Variants in MYH14 observed in about 807,000 individuals in gnomAD.
The protein encoded by MYH14 is myosin heavy chain 14.
Under a neutral mutation model 255.5 loss-of-function variants are expected in MYH14, and 123 were observed. That is an observed-to-expected ratio of 0.48 (90% CI 0.42 to 0.56). The LOEUF (loss-of-function observed/expected upper bound fraction) is 0.56. Among genes scored for constraint, MYH14 ranks in the 20% least tolerant of loss-of-function variants. The probability of loss-of-function intolerance (pLI) is 0.00; values close to 1 mark genes in which losing one functional copy is unlikely to be tolerated. For missense variants in MYH14, 2,423 were observed against 2,802.3 expected, an observed-to-expected ratio of 0.86 and a Z score of 3.06; for synonymous variants, 1,095 against 1,161.2, an observed-to-expected ratio of 0.94 and a Z score of 1.16.
Position 50,268,173 on chromosome 19 carries a change from C to G in MYH14, c.2839C>G (p.Arg947Gly). 1 of 1,546,294 alleles carries G rather than the reference C, an allele frequency of 6.5e-7. No individual in the cohort carries two copies. Among genetic ancestry groups the G allele is most frequent in the South Asian group, 1.2e-5 (1 of 84,014 alleles). Residue 947 changes from arginine (R) to glycine (G), a missense_variant, in exon 24 of 43, where the codon CGC (arginine) becomes GGC (glycine). By Grantham distance (125) the Arg-to-Gly change is moderately radical. Around this residue, in one of 3 missense-constraint regions of MYH14, gnomAD observed 1,513 missense variants for 1,674.8 expected, o/e 0.90. Transcript: ENST00000642316. ...QGRVAQLEEE[R>G]ARLAEQLRAE... Reference sequence around the variant, plus strand: ...ACACACTCCCCAGCTGGAAGAGGAGCGCGCCCGCCTGGCAGAGCAATTGCG... The same window carrying G: ...ACACACTCCCCAGCTGGAAGAGGAGGGCGCCCGCCTGGCAGAGCAATTGCG...
intron 10 of MYH14, 29 bp downstream of exon 10, chr19:50,232,099 A>T: frequency 6.2e-7 from 1 of 1,606,816 alleles, no homozygotes; most frequent in Non-Finnish European, 8.5e-7. Context: ...GGCCAGGGGT[A>T]GGGGGGAACC....
chr19:50,281,764 G>A lies in MYH14; in HGVS notation c.4461G>A (p.Leu1487=), dbSNP rs749718837. ...ERGRRRLQQE[L]DDATMDLEQQ... ...GCCGCCGCCGGCTGCAGCAGGAGCT[G>A]GACGACGCCACCATGGACCTGGAGC... is the stretch of plus-strand genomic sequence containing the variant. The change falls in exon 33 of 43, where the codon CTG becomes CTA. Residue 1487 remains leucine (L), a synonymous_variant. Transcript: ENST00000642316. 2.5e-5 allele frequency: 41 copies of A among 1,612,546 alleles called. No homozygotes were observed. Among genetic ancestry groups the A allele is most frequent in the Middle Eastern group, 1.7e-4 (1 of 6,060 alleles).
At chr19:50,267,114 GC>G (rs143130699) in intron 23 of MYH14, 106 bp downstream of exon 23, 49,131 of 1,139,860 alleles carry the variant, frequency 0.043, 1,279 homozygotes, top group Non-Finnish European at 0.049. Flanking sequence ...GCCAGCCTGT[GC>G]CCAGGCAGGG....
Position 50,263,394 on chromosome 19 carries a change from T to G in MYH14, c.2668T>G (p.Trp890Gly). ...NCAAYLKLRHWQWWRLFTKVK... is the reference protein window; with the variant it reads ...NCAAYLKLRHGQWWRLFTKVK... ...CGCGGCCTACCTCAAGCTGAGACACTGGCAGTGGTGGCGGCTGTTTACCAA... is the reference window on the plus strand; with the variant it reads ...CGCGGCCTACCTCAAGCTGAGACACGGGCAGTGGTGGCGGCTGTTTACCAA... The change falls in exon 22 of 43, where the codon TGG becomes GGG. Residue 890 changes from tryptophan to glycine, a missense_variant. Transcript: ENST00000642316. The G allele has an allele frequency of 6.2e-7, 1 of 1,603,380 alleles. No individual in the cohort carries two copies. Among genetic ancestry groups the G allele is most frequent in the Non-Finnish European group, 8.5e-7 (1 of 1,175,270 alleles).
At chr19:50,219,364 G>A (rs2032687021) in intron 3 of MYH14, among the ~76,000 whole-genome samples, 1 of 151,748 alleles carries the variant, frequency 6.6e-6, no homozygotes, top group Non-Finnish European at 1.5e-5. Flanking sequence ...TCTCCATACT[G>A]TTTTCCATAA....
At chr19:50,215,440 G>T (rs537081895) in intron 2 of MYH14, among the ~76,000 whole-genome samples, 1 of 152,284 alleles carries the variant, frequency 6.6e-6, no homozygotes, top group South Asian at 2.1e-4. Flanking sequence ...CCCTCCCACC[G>T]TTAGAAGGTT....
At chr19:50,234,930 G>C (rs563089348) in intron 10 of MYH14, among the ~76,000 whole-genome samples, 4 of 152,142 alleles carry the variant, frequency 2.6e-5, no homozygotes, top group African/African-American at 9.7e-5. Flanking sequence ...TGAGCTTCTT[G>C]TATCTCCTTC....
intron 5 of MYH14, 40 bp from the exon 6 acceptor site, chr19:50,224,114 T>C: frequency 6.6e-7 from 1 of 1,524,968 alleles, no homozygotes; most frequent in Non-Finnish European, 8.9e-7. Context: ...TTCCATGTGC[T>C]GTGTCCTGGT....
chr19:50,217,568 G>T, intron 2 of MYH14, 47 bp from the exon 3 acceptor site: 1 of 1,613,678 alleles, frequency 6.2e-7, no homozygotes, highest in Non-Finnish European at 8.5e-7. Flanking sequence ...ACGCCTTTCA[G>T]GCCGTGGGCA....
rs2034261392 is a variant in MYH14, at chr19:50,249,290, T to G, written c.1482+151T>G. 9 of 900,902 alleles carry G rather than the reference T, an allele frequency of 1.0e-5. No individual in the cohort carries two copies. The South Asian group carries it at 1.5e-4, about 15-fold the overall frequency. The allele number at this position is 900,902 out of a possible 1,614,324, so 55.8% of individuals were successfully genotyped here. ...CCCCTCTCTCTGGTCTCTGTCCCCC[T>G]CTCTCTGGGTCTCTGTCCCCTGTCT... On this transcript the variant is annotated intron_variant, in intron 13 of 42. Coordinates refer to ENST00000642316, the MANE Select transcript of MYH14 (RefSeq NM_001145809.2).
In MYH14 at chr19:50,289,420, C is replaced by T; in HGVS notation, c.4753-16C>T. On this transcript the variant is annotated splice_polypyrimidine_tract_variant and intron_variant, in intron 34 of 42. Transcript: ENST00000642316. ...CCTCAGTGACCCAGGTACCCAGCAG[C>T]TACTCTCCCCACCAGGTGCATGAGC... is the stretch of plus-strand genomic sequence containing the variant. 1 of 1,594,718 alleles carries T rather than the reference C, an allele frequency of 6.3e-7. No homozygotes were observed. The highest frequency in any genetic ancestry group is 8.5e-7 in the Non-Finnish European group (1 of 1,171,264).
At chr19:50,292,794 A>G (rs994542269) in intron 37 of MYH14, among the ~76,000 whole-genome samples, 1 of 151,152 alleles carries the variant, frequency 6.6e-6, no homozygotes, top group African/African-American at 2.4e-5. Context: ...GGGAGAGGGG[A>G]GAGAGAGAGA....
Position 50,210,670 on chromosome 19 carries a change from C to G in MYH14, c.305C>G (p.Pro102Arg). 1 of 1,571,626 alleles carries G rather than the reference C, an allele frequency of 6.4e-7. No homozygotes were observed. The highest frequency in any genetic ancestry group is 8.6e-7 in the Non-Finnish European group (1 of 1,160,158). Residue 102 changes from proline (P) to arginine (R), a missense_variant, in exon 2 of 43, where the codon CCC becomes CGC. Coordinates refer to ENST00000642316, the MANE Select transcript of MYH14 (RefSeq NM_001145809.2). Reference sequence around the variant, plus strand: ...GACCAGATCCAGCGCATGAACCCGCCCAAGTTCAGCAAGGCCGAGGACATG... The same window carrying G: ...GACCAGATCCAGCGCATGAACCCGCGCAAGTTCAGCAAGGCCGAGGACATG... ...PRDQIQRMNPPKFSKAEDMAE... is the reference protein window; with the variant it reads ...PRDQIQRMNPRKFSKAEDMAE...
intron 3 of MYH14, among the ~76,000 whole-genome samples, chr19:50,220,207 T>A (rs1464264137): frequency 2.0e-5 from 3 of 152,076 alleles, no homozygotes; most frequent in African/African-American, 7.2e-5. Flanking sequence ...AAGTCAGTCC[T>A]ACCTCAGGGC....
intron 12 of MYH14, among the ~76,000 whole-genome samples, chr19:50,247,933 G>A (rs2034195868): frequency 2.0e-5 from 3 of 151,894 alleles, no homozygotes; most frequent in African/African-American, 7.3e-5. Flanking sequence ...TGTGGCACAC[G>A]CCTGTAGTCC....
intron 16 of MYH14, among the ~76,000 whole-genome samples, chr19:50,254,422 A>G (rs1435323148): frequency 6.6e-6 from 1 of 152,166 alleles, no homozygotes; most frequent in Non-Finnish European, 1.5e-5. Context: ...GAACCAGATT[A>G]TGCTACGAGA....
At chr19:50,218,749 C>G (rs67812064) in intron 3 of MYH14, among the ~76,000 whole-genome samples, 20,429 of 151,916 alleles carry the variant, frequency 0.13, 1,815 homozygotes, top group East Asian at 0.22. Context: ...TAATCTATCC[C>G]TCACCACCCC....
At chr19:50,302,283 C>CAAAA (rs1568557708) in intron 40 of MYH14, among the ~76,000 whole-genome samples, 1,640 of 114,162 alleles carry the variant, frequency 0.014, 44 homozygotes, top group African/African-American at 0.071. Flanking sequence ...GACCTTGTCT[C>CAAAA]TAAAAAAAAA....
At chr19:50,243,888 G>T (rs969060044) in intron 10 of MYH14, among the ~76,000 whole-genome samples, 2 of 151,988 alleles carry the variant, frequency 1.3e-5, no homozygotes, top group African/African-American at 4.8e-5. Context: ...GTATCATAGC[G>T]ATAGGGCAAG....
Sources: gnomAD v4.1 joint callset for allele counts (sites outside exome capture counted in the v4.1 genomes callset) on GRCh38, gnomAD v4.1.1 for gene constraint, gnomAD v4.1.1 regional missense constraint, MANE v1.5 for transcripts, NCBI Gene and HGNC (gene_info 2026-07-23, HGNC 2026-07-21) for gene names.